Variants in WWTR1 observed in about 807,000 individuals in gnomAD.
The protein encoded by WWTR1 is WW domain-containing transcription regulator protein 1.
In WWTR1, 13 loss-of-function variants were observed where a neutral mutation model predicts 40.1. The ratio of observed to expected loss-of-function variants is 0.32; its 90% confidence interval spans 0.21 to 0.52. The LOEUF (loss-of-function observed/expected upper bound fraction) is 0.52. Ranked by LOEUF, WWTR1 falls within the 20% of genes least tolerant of loss-of-function variation. The pLI is 0.97. For missense variants in WWTR1, 436 were observed against 523.1 expected, an observed-to-expected ratio of 0.83 and a Z score of 1.63; for synonymous variants, 230 against 210.1, an observed-to-expected ratio of 1.09 and a Z score of -0.82.
exon 5 of WWTR1, chr3:149,717,545 A>G (rs1715643733): frequency 6.6e-6 from 1 of 152,190 alleles, no homozygotes; most frequent in Non-Finnish European, 1.5e-5. Context: ...GAGGTGCCAG[A>G]GCAAATCCAG....
intron 2 of WWTR1, among the ~76,000 whole-genome samples, chr3:149,578,626 G>A (rs369273726): frequency 2.6e-5 from 4 of 152,188 alleles, no homozygotes; most frequent in African/African-American, 7.2e-5. Context: ...TAATCAGGCC[G>A]GGCACAGTGG....
chr3:149,605,733 G>A (rs76898538), intron 2 of WWTR1, among the ~76,000 whole-genome samples: 1,546 of 152,162 alleles, frequency 0.01, 22 homozygotes, highest in African/African-American at 0.035. Flanking sequence ...ATGTGGTCCC[G>A]AGTTACAGAC....
intron 2 of WWTR1, among the ~76,000 whole-genome samples, chr3:149,637,888 A>C (rs1448169843): frequency 1.3e-5 from 2 of 152,168 alleles, no homozygotes; most frequent in African/African-American, 4.8e-5. Flanking sequence ...CACTACTCCT[A>C]ATCAAAAGTG....
rs1243633032 is a variant in WWTR1, at chr3:149,616,149, G to A, written c.431+40727C>T. 4.6e-5 allele frequency among the ~76,000 whole-genome samples: 7 copies of A among 152,204 alleles called. No individual in the cohort carries two copies. The South Asian group carries it at 6.2e-4, about 14-fold the overall frequency. On this transcript the variant is annotated intron_variant, in intron 2 of 6. Transcript: ENST00000360632. ...GGAAGCTACACTGCACTCAGCCACC[G>A]GCATTTTTTACTGCCTGTGGGCTTT... is the stretch of plus-strand genomic sequence containing the variant.
chr3:149,696,194 G>A (rs1714985962), intron 1 of WWTR1, among the ~76,000 whole-genome samples: 1 of 151,748 alleles, frequency 6.6e-6, no homozygotes, highest in African/African-American at 2.4e-5. Context: ...AGAGATTTGG[G>A]CTTTGGACTC....
intron 3 of WWTR1, among the ~76,000 whole-genome samples, chr3:149,547,801 T>G (rs1020783151): frequency 6.6e-6 from 1 of 151,832 alleles, no homozygotes; most frequent in African/African-American, 2.4e-5. Context: ...TCTTTTTCAT[T>G]GTTTTCATCT....
chr3:149,536,785 T>A, intron 4 of WWTR1, among the ~76,000 whole-genome samples: 1 of 148,680 alleles, frequency 6.7e-6, no homozygotes, highest in South Asian at 2.1e-4. Context: ...AAGAAAAGGT[T>A]GAGGGTAAAA....
At chr3:149,647,337 G>C (rs1472920812) in intron 2 of WWTR1, among the ~76,000 whole-genome samples, 1 of 152,034 alleles carries the variant, frequency 6.6e-6, no homozygotes, top group African/African-American at 2.4e-5. Context: ...CTGAAAACAT[G>C]AACTTTCGAG....
At chr3:149,685,113 G>A (rs1217656880) in intron 1 of WWTR1, among the ~76,000 whole-genome samples, 3 of 152,120 alleles carry the variant, frequency 2.0e-5, no homozygotes, top group East Asian at 3.9e-4. Flanking sequence ...CCTTTTAGAG[G>A]ACATGCTCTC....
At chr3:149,551,057 G>C (rs1357777628) in intron 3 of WWTR1, among the ~76,000 whole-genome samples, 1 of 144,658 alleles carries the variant, frequency 6.9e-6, no homozygotes, top group Non-Finnish European at 1.5e-5. Flanking sequence ...CAGCACTTTG[G>C]GAGGCTGAGG....
At chr3:149,621,751 T>G (rs1553800108) in intron 2 of WWTR1, among the ~76,000 whole-genome samples, 1 of 151,916 alleles carries the variant, frequency 6.6e-6, no homozygotes, top group Non-Finnish European at 1.5e-5. Context: ...TAATGTCTGA[T>G]GTAATGCATT....
At chr3:149,531,809 G>C (rs1381629946) in intron 4 of WWTR1, among the ~76,000 whole-genome samples, 3 of 152,146 alleles carry the variant, frequency 2.0e-5, no homozygotes, top group Non-Finnish European at 4.4e-5. Flanking sequence ...GAGGGAAGGG[G>C]CCTTGTTTGT....
chr3:149,571,112 A>G (rs777675736), intron 3 of WWTR1, among the ~76,000 whole-genome samples: 8 of 152,124 alleles, frequency 5.3e-5, no homozygotes, highest in Non-Finnish European at 7.3e-5. Flanking sequence ...ATGATTAAAC[A>G]TACACACACA....
In WWTR1 at chr3:149,683,159, C is replaced by T. The variant is rs531589114; in HGVS notation, c.-107-13268G>A. ...GCTTACATACATCTTTTCATTTCAT[C>T]CTCACAACCACCCTATGAAAGGGAT... On this transcript the variant is annotated intron_variant, in intron 1 of 7. Transcript: ENST00000465804. Among the ~76,000 whole-genome samples, 3 of 152,306 alleles carry T rather than the reference C, an allele frequency of 2.0e-5. No individual in the cohort carries two copies. In the South Asian group the frequency reaches 6.2e-4, roughly 32 times the overall value.
intron 4 of WWTR1, among the ~76,000 whole-genome samples, chr3:149,528,459 A>G (rs1332993922): frequency 6.6e-6 from 1 of 152,208 alleles, no homozygotes; most frequent in Non-Finnish European, 1.5e-5. Flanking sequence ...ATGTTTACAG[A>G]CAGGAAAGCA....
intron 2 of WWTR1, among the ~76,000 whole-genome samples, chr3:149,600,569 G>T (rs1278704860): frequency 6.6e-6 from 1 of 152,156 alleles, no homozygotes; most frequent in African/African-American, 2.4e-5. Flanking sequence ...AGCATTAGTT[G>T]TACCTCATGG....
chr3:149,687,011 T>C (rs1714678124), intron 1 of WWTR1, among the ~76,000 whole-genome samples: 1 of 152,184 alleles, frequency 6.6e-6, no homozygotes, highest in Admixed American at 6.5e-5. Flanking sequence ...GGAATATGTT[T>C]GAAGGAGCCA....
intron 2 of WWTR1, among the ~76,000 whole-genome samples, chr3:149,653,087 T>C (rs931158371): frequency 2.0e-5 from 3 of 152,252 alleles, no homozygotes; most frequent in Non-Finnish European, 2.9e-5. Context: ...GTCTGAATTG[T>C]ATTTAAGAGG....
chr3:149,700,076 G>A lies in WWTR1; in HGVS notation c.-108+3048C>T, dbSNP rs911148470. Among the ~76,000 whole-genome samples the A allele has an allele frequency of 6.6e-5, 10 of 152,314 alleles. No homozygotes were observed. The South Asian group carries it at 2.1e-3, about 32-fold the overall frequency. On this transcript the variant is annotated intron_variant, in intron 1 of 7. Transcript: ENST00000465804. ...CAACATCTATTCAGCTTCTGGTGAG[G>A]GCTTCAGGAACTTTTGGTTATGGCA... is the stretch of plus-strand genomic sequence containing the variant.
Sources: gnomAD v4.1 joint callset for allele counts (sites outside exome capture counted in the v4.1 genomes callset) on GRCh38, gnomAD v4.1.1 for gene constraint, MANE v1.5 for transcripts, NCBI Gene and HGNC (gene_info 2026-07-23, HGNC 2026-07-21) for gene names.